TENM3: variants seen among roughly 807,000 people sequenced by gnomAD.
TENM3 encodes teneurin-3.
A neutral mutation model predicts 255.1 loss-of-function variants in TENM3; 63 were observed. The ratio of observed to expected loss-of-function variants is 0.25; its 90% CI spans 0.20 to 0.30. The LOEUF (loss-of-function observed/expected upper bound fraction) is 0.30, where lower values mean the gene tolerates loss of function less well. TENM3 is among the 10% of genes least tolerant of loss of function. The pLI is 1.00. For synonymous variants in TENM3, 1,306 were observed against 1,322.3 expected (o/e 0.99, Z 0.27); for missense variants, 2,929 against 3,461.1 (o/e 0.85, Z 3.86).
the TENM3 span, among the ~76,000 whole-genome samples, chr4:181,603,530 G>A: frequency 1.1e-4 from 17 of 152,210 alleles, no homozygotes; most frequent in African/African-American, 4.1e-4. Flanking sequence ...TAAGTCCAAG[G>A]AGAAAAGCAA....
chr4:182,152,489 A>G (rs1231899955), intron 1 of TENM3, among the ~76,000 whole-genome samples: 1 of 151,938 alleles, frequency 6.6e-6, no homozygotes, highest in East Asian at 1.9e-4. Context: ...TGAGTAGAAT[A>G]CCCTATCATG....
the TENM3 span, among the ~76,000 whole-genome samples, chr4:181,561,951 T>C: frequency 6.6e-6 from 1 of 152,172 alleles, no homozygotes; most frequent in Admixed American, 6.5e-5. Context: ...TCCTTGCGAA[T>C]TGTGGGTGTT....
chr4:182,700,752 A>G (rs1757787186), intron 12 of TENM3, among the ~76,000 whole-genome samples: 1 of 152,204 alleles, frequency 6.6e-6, no homozygotes, highest in African/African-American at 2.4e-5. Flanking sequence ...GTAAATAATT[A>G]TGTTGGTGGG....
chr4:182,653,882 C>T lies in TENM3; in HGVS notation c.1100C>T (p.Ser367Phe), dbSNP rs1213766265. ...TMPTNTVSLP[S>F]GDNGKLGGFT... Reference sequence around the variant, plus strand: ...CCAACAAACACTGTGTCATTACCTTCTGGAGACAATGGTAAGCGAAAGAAT... The same window carrying T: ...CCAACAAACACTGTGTCATTACCTTTTGGAGACAATGGTAAGCGAAAGAAT... The change falls in exon 6 of 28, where the codon TCT becomes TTT. Residue 367 changes from serine to phenylalanine, a missense_variant. By Grantham distance (155) the Ser-to-Phe change is radical. Coordinates refer to ENST00000511685, the MANE Select transcript of TENM3 (RefSeq NM_001080477.4). The T allele has an allele frequency of 5.0e-6, 8 of 1,609,986 alleles. No individual in the cohort carries two copies. The highest frequency in any genetic ancestry group is 5.9e-6 in the Non-Finnish European group (7 of 1,178,224).
intron 24 of TENM3, among the ~76,000 whole-genome samples, chr4:182,775,850 A>G (rs755460803): frequency 6.6e-6 from 1 of 152,192 alleles, no homozygotes; most frequent in Non-Finnish European, 1.5e-5. Context: ...TGGGAGAATC[A>G]GAACATCTCT....
At chr4:182,389,839 C>T (rs994371530) in intron 3 of TENM3, among the ~76,000 whole-genome samples, 1 of 152,010 alleles carries the variant, frequency 6.6e-6, no homozygotes, top group Non-Finnish European at 1.5e-5. Context: ...GCGCCCGCCA[C>T]CACTCCCGGC....
chr4:181,650,247 C>A, the TENM3 span, among the ~76,000 whole-genome samples: 1 of 152,114 alleles, frequency 6.6e-6, no homozygotes, highest in Non-Finnish European at 1.5e-5. Context: ...AGCAAACTTG[C>A]CTTTGTAATC....
rs59628391 is a variant in TENM3, at chr4:182,709,824, T to C, written c.2222-4263T>C. 9.5e-4 allele frequency among the ~76,000 whole-genome samples: 144 copies of C among 152,310 alleles called. 1 individual carries two copies. The highest frequency in any genetic ancestry group is 3.3e-3 in the African/African-American group (139 of 41,582). On this transcript the variant is annotated intron_variant, in intron 12 of 27. Transcript: ENST00000511685. The stretch of plus-strand genomic sequence containing the variant: ...CGTGGTATCTTTCTCAGTACAGATA[T>C]TTTTCTTACGGTTGGTTTTTAGCCT...
In TENM3 at chr4:182,248,193, C is replaced by T. The variant is rs150548315; in HGVS notation, c.-76+4717C>T. On this transcript the variant is annotated intron_variant, in intron 1 of 27. Transcript: ENST00000511685. Reference sequence around the variant, plus strand: ...AGTGCCTGGGTGCAGCAAACCACCACGGCACACGCATACCTGTGTAACAAA... The same window carrying T: ...AGTGCCTGGGTGCAGCAAACCACCATGGCACACGCATACCTGTGTAACAAA... Among the ~76,000 whole-genome samples the T allele has an allele frequency of 6.2e-4, 94 of 152,200 alleles. 1 individual carries two copies. Among genetic ancestry groups the T allele is most frequent in the African/African-American group, 1.9e-3 (79 of 41,522 alleles).
chr4:182,103,597 T>C, the TENM3 span, among the ~76,000 whole-genome samples: 9 of 152,212 alleles, frequency 5.9e-5, 1 homozygote, highest in Admixed American at 2.0e-4. Flanking sequence ...AATCCAGCAC[T>C]GCCCCTCACT....
At chr4:182,376,987 A>G (rs556898879) in intron 3 of TENM3, among the ~76,000 whole-genome samples, 1 of 152,330 alleles carries the variant, frequency 6.6e-6, no homozygotes, top group South Asian at 2.1e-4. Context: ...TTCAGAACAC[A>G]AAATAGCAAC....
At chr4:182,323,105 G>GCCC (rs1763161292) in intron 1 of TENM3, among the ~76,000 whole-genome samples, 2 of 152,240 alleles carry the variant, frequency 1.3e-5, no homozygotes, top group Admixed American at 1.3e-4. Context: ...CCAGTCTTTT[G>GCCC]CCGGCAGACC....
chr4:181,461,666 T>C, the TENM3 span, among the ~76,000 whole-genome samples: 1 of 152,190 alleles, frequency 6.6e-6, no homozygotes. Context: ...CCAGTTTGTT[T>C]CTCATTTCAG....
At chr4:182,511,976 CT>C (rs1737443536) in intron 3 of TENM3, among the ~76,000 whole-genome samples, 2 of 152,136 alleles carry the variant, frequency 1.3e-5, no homozygotes, top group African/African-American at 4.8e-5. Context: ...ATTTAGGTAA[CT>C]AGCCCAAGTT....
Position 182,591,461 on chromosome 4 carries a change from A to C in TENM3, c.512-9463A>C, listed in dbSNP as rs998052370. Among the ~76,000 whole-genome samples the C allele has an allele frequency of 2.6e-5, 4 of 152,292 alleles. No individual in the cohort carries two copies. In the East Asian group the frequency reaches 7.7e-4, roughly 29 times the overall value. ...TTTATCACCAGGGCATTTCATACTC[A>C]GTGTCTTTTTATAAATAGTTTTACA... On this transcript the variant is annotated intron_variant, in intron 3 of 27. Transcript: ENST00000511685.
the TENM3 span, among the ~76,000 whole-genome samples, chr4:181,678,629 T>C: frequency 1.3e-5 from 2 of 152,114 alleles, no homozygotes; most frequent in African/African-American, 4.8e-5. Context: ...AAACTGAATG[T>C]ATAAGTTTAA....
chr4:181,482,530 C>G, the TENM3 span, among the ~76,000 whole-genome samples: 1 of 152,084 alleles, frequency 6.6e-6, no homozygotes, highest in Non-Finnish European at 1.5e-5. Flanking sequence ...ATGTATGATT[C>G]TTCCAAATCA....
At chr4:182,621,600 C>CAA (rs1347527799) in intron 4 of TENM3, among the ~76,000 whole-genome samples, 7 of 75,840 alleles carry the variant, frequency 9.2e-5, no homozygotes, top group East Asian at 3.4e-4. Flanking sequence ...CCCATCTGTA[C>CAA]AAAAATATAT....
At chr4:181,813,068 A>C in the TENM3 span, among the ~76,000 whole-genome samples, 5 of 152,148 alleles carry the variant, frequency 3.3e-5, no homozygotes, top group African/African-American at 1.2e-4. Context: ...ACAGAAATGT[A>C]TTTTTCACAG....
Sources: gnomAD v4.1 joint callset for allele counts (sites outside exome capture counted in the v4.1 genomes callset) on GRCh38, gnomAD v4.1.1 for gene constraint, MANE v1.5 for transcripts, NCBI Gene and HGNC (gene_info 2026-07-23, HGNC 2026-07-21) for gene names.